The following RIGI variants were observed in gnomAD, a reference collection of about 807,000 sequenced individuals.
The protein encoded by RIGI is antiviral innate immune response receptor RIG-I.
chr9:32,459,551 T>C, the RIGI span: 28 of 1,590,494 alleles, frequency 1.8e-5, no homozygotes, highest in Non-Finnish European at 2.1e-5. Flanking sequence ...GTAATTTGAG[T>C]ACAACATATA....
the RIGI span, chr9:32,487,540 C>T: frequency 6.2e-7 from 1 of 1,614,144 alleles, no homozygotes; most frequent in Non-Finnish European, 8.5e-7. Flanking sequence ...ATCACTGACG[C>T]ATCAAGAGAA....
chr9:32,504,038 A>AACAGACACACACACACACACAC, the RIGI span, among the ~76,000 whole-genome samples: 3 of 135,666 alleles, frequency 2.2e-5, no homozygotes, highest in Non-Finnish European at 3.2e-5. Context: ...CAAGACTCCA[A>AACAGACACACACACACACACAC]ACACACACAC....
At chr9:32,485,133 A>C in the RIGI span, 1 of 1,398,230 alleles carries the variant, frequency 7.2e-7, no homozygotes, top group Non-Finnish European at 9.9e-7. Flanking sequence ...ATAAATGGCT[A>C]TTCCCCAGTA....
chr9:32,483,675 C>T, the RIGI span, among the ~76,000 whole-genome samples: 1 of 94,106 alleles, frequency 1.1e-5, no homozygotes, highest in African/African-American at 4.3e-5. Flanking sequence ...ATCATCCCAC[C>T]CCACTGCTTA....
chr9:32,461,698 A>C, the RIGI span, among the ~76,000 whole-genome samples: 1 of 152,132 alleles, frequency 6.6e-6, no homozygotes, highest in Non-Finnish European at 1.5e-5. Context: ...AAGAGCCATG[A>C]AAATGTTAAT....
the RIGI span, chr9:32,492,491 T>C: frequency 1.9e-6 from 3 of 1,614,180 alleles, no homozygotes; most frequent in Non-Finnish European, 2.5e-6. Flanking sequence ...TGAGAAGGCA[T>C]TCCACCAATT....
At chr9:32,492,631 G>C in the RIGI span, 1 of 1,453,556 alleles carries the variant, frequency 6.9e-7, no homozygotes, top group Non-Finnish European at 9.5e-7. Context: ...TGTACTATCT[G>C]ATTTAAAGCC....
At chr9:32,509,259 A>G in the RIGI span, among the ~76,000 whole-genome samples, 1 of 152,218 alleles carries the variant, frequency 6.6e-6, no homozygotes, top group Non-Finnish European at 1.5e-5. Context: ...GCTAACGGAC[A>G]GACTGCCTCC....
chr9:32,516,865 C>T, the RIGI span, among the ~76,000 whole-genome samples: 2 of 152,042 alleles, frequency 1.3e-5, no homozygotes, highest in African/African-American at 4.8e-5. Context: ...TAATAAAGCC[C>T]GATTGAGAGA....
At chr9:32,485,296 A>C in the RIGI span, 1 of 1,500,690 alleles carries the variant, frequency 6.7e-7, no homozygotes, top group Admixed American at 2.0e-5. Context: ...ACGTCAAAAA[A>C]AAAAGAAAAA....
At chr9:32,504,476 G>A in the RIGI span, among the ~76,000 whole-genome samples, 26,653 of 151,626 alleles carry the variant, frequency 0.18, 2,729 homozygotes, top group South Asian at 0.36. Context: ...CCAGGAGTTC[G>A]AGACTAGCCT....
At chr9:32,508,239 A>ATTTTTTTTTTTTTTATTTTTT in the RIGI span, among the ~76,000 whole-genome samples, 1 of 70,336 alleles carries the variant, frequency 1.4e-5, no homozygotes, top group Non-Finnish European at 2.6e-5. Context: ...TATTTACTTA[A>ATTTTTTTTTTTTTTATTTTTT]TTTTTTTTTT....
chr9:32,515,477 T>G, the RIGI span, among the ~76,000 whole-genome samples: 6 of 152,222 alleles, frequency 3.9e-5, no homozygotes, highest in African/African-American at 1.4e-4. Flanking sequence ...TTTCTATTTT[T>G]TCCATTTATC....
At chr9:32,459,609 C>T in the RIGI span, 25 of 1,154,836 alleles carry the variant, frequency 2.2e-5, no homozygotes, top group Admixed American at 8.9e-5. Context: ...CATGCACGCA[C>T]ATGTATAATC....
At chr9:32,483,039 T>G in the RIGI span, among the ~76,000 whole-genome samples, 39 of 152,074 alleles carry the variant, frequency 2.6e-4, no homozygotes, top group African/African-American at 9.2e-4. Flanking sequence ...CCTCAGTTGC[T>G]TGGTTCAAAG....
the RIGI span, among the ~76,000 whole-genome samples, chr9:32,524,750 G>A: frequency 4.9e-4 from 74 of 151,728 alleles, no homozygotes; most frequent in Admixed American, 4.8e-3. Context: ...CTACAGGAGT[G>A]CACCACTACG....
At chr9:32,514,640 G>T in the RIGI span, among the ~76,000 whole-genome samples, 1 of 152,022 alleles carries the variant, frequency 6.6e-6, no homozygotes, top group South Asian at 2.1e-4. Flanking sequence ...TGGTTTGATG[G>T]GTGCAGCAAA....
At chr9:32,517,588 T>C in the RIGI span, among the ~76,000 whole-genome samples, 1 of 152,224 alleles carries the variant, frequency 6.6e-6, no homozygotes, top group African/African-American at 2.4e-5. Flanking sequence ...CATACATTTT[T>C]GTCTCGGCTT....
the RIGI span, among the ~76,000 whole-genome samples, chr9:32,506,893 T>C: frequency 3.1e-4 from 47 of 152,318 alleles, no homozygotes; most frequent in African/African-American, 1.1e-3. Flanking sequence ...AATAAATCCA[T>C]TTAGGCTATA....
Sources: gnomAD v4.1 joint callset for allele counts (sites outside exome capture counted in the v4.1 genomes callset) on GRCh38, gnomAD v4.1.1 for gene constraint, MANE v1.5 for transcripts, NCBI Gene and HGNC (gene_info 2026-07-23, HGNC 2026-07-21) for gene names.